NFILZ: variants seen among roughly 807,000 people sequenced by gnomAD.
NFILZ encodes NFIL3 like protein.
chr19:8,658,656 G>A (rs1416196950), intron 3 of NFILZ, among the ~76,000 whole-genome samples: 1 of 99,720 alleles, frequency 1.0e-5, no homozygotes, highest in South Asian at 3.8e-4. Context: ...GGGGTGATGA[G>A]AGGATTCTAT....
At chr19:8,661,155 T>TTCTC (rs1196173555) in intron 3 of NFILZ, among the ~76,000 whole-genome samples, 3 of 140,884 alleles carry the variant, frequency 2.1e-5, no homozygotes, top group Non-Finnish European at 4.6e-5. Flanking sequence ...CCCTTCCCTT[T>TTCTC]TCTCTCTCTC....
chr19:8,633,567 C>T (rs1427678643), intron 2 of NFILZ, among the ~76,000 whole-genome samples: 1 of 152,174 alleles, frequency 6.6e-6, no homozygotes, highest in Non-Finnish European at 1.5e-5. Context: ...GGGCCAGCTC[C>T]TTTCCCTCTC....
At chr19:8,635,506 C>T (rs2042890608) in intron 2 of NFILZ, 144 bp from the exon 3 acceptor site, 1 of 152,052 alleles carries the variant, frequency 6.6e-6, no homozygotes, top group African/African-American at 2.4e-5. Context: ...GTACCATAGG[C>T]AGCTTTTGGC....
intron 3 of NFILZ, among the ~76,000 whole-genome samples, chr19:8,650,747 A>T (rs997959534): frequency 7.2e-5 from 11 of 151,894 alleles, no homozygotes; most frequent in Admixed American, 3.3e-4. Flanking sequence ...AATATGACTG[A>T]TTCTCTCCAG....
In NFILZ at chr19:8,679,538, C is replaced by T. The variant is rs1417077023; in HGVS notation, c.*1903C>T. Among the ~76,000 whole-genome samples the T allele has an allele frequency of 1.3e-5, 2 of 152,086 alleles. No individual in the cohort carries two copies. The highest frequency in any genetic ancestry group is 2.4e-5 in the African/African-American group (1 of 41,404). On this transcript the variant is annotated 3_prime_UTR_variant, in exon 6 of 6. Transcript: ENST00000691075. Reference sequence around the variant, plus strand: ...GCCACAAATGTGTGCAGGGTGAGGACGTACAAAGTGCCTCTCTCTCACTAG... The same window carrying T: ...GCCACAAATGTGTGCAGGGTGAGGATGTACAAAGTGCCTCTCTCTCACTAG...
intron 3 of NFILZ, among the ~76,000 whole-genome samples, chr19:8,646,570 C>T (rs2042940024): frequency 6.6e-6 from 1 of 152,162 alleles, no homozygotes; most frequent in Non-Finnish European, 1.5e-5. Context: ...AAGAGCCACT[C>T]TTCCTTTGCC....
chr19:8,648,171 C>CAAAAAAAAA (rs56776806), intron 3 of NFILZ, among the ~76,000 whole-genome samples: 2 of 68,512 alleles, frequency 2.9e-5, no homozygotes, highest in Non-Finnish European at 5.3e-5. Context: ...GACTCCGTCT[C>CAAAAAAAAA]AAAAAAAAAA....
Position 8,677,130 on chromosome 19 carries a change from C to T in NFILZ, c.365C>T (p.Pro122Leu), listed in dbSNP as rs1239198985. ...TTGGAAGCCCCCTGGACTGGGGACC[C>T]CCGGCCTGGGGCTGAAGCACTCTCA... Reference protein sequence around the residue: ...LLLEAPWTGDPRPGAEALSSL... With the variant: ...LLLEAPWTGDLRPGAEALSSL... The change falls in exon 6 of 6, where the codon CCC becomes CTC. Residue 122 changes from proline (P) to leucine (L), a missense_variant. By Grantham distance (98) the Pro-to-Leu change is moderately conservative (BLOSUM62 -3). Coordinates refer to ENST00000691075, the MANE Select transcript of NFILZ (RefSeq NM_001378600.1). 1 of 152,542 alleles carries T rather than the reference C, an allele frequency of 6.6e-6. No individual in the cohort carries two copies. Among genetic ancestry groups the T allele is most frequent in the Non-Finnish European group, 1.5e-5 (1 of 68,290 alleles). The allele number at this position is 152,542 out of a possible 1,614,324, so 9.4% of individuals were successfully genotyped here.
At position 8,680,214 on chromosome 19, in the gene NFILZ, AG is replaced by A. The variant is rs58218184; in HGVS notation, c.*2581del. Among the ~76,000 whole-genome samples the A allele has an allele frequency of 0.53, 49,903 of 93,984 alleles. 11,491 individuals carry two copies. Among genetic ancestry groups the A allele is most frequent in the East Asian group, 0.73 (2,732 of 3,742 alleles). 61.7% of individuals were successfully genotyped at this position (93,984 alleles called of 152,430 possible). On this transcript the variant is annotated 3_prime_UTR_variant, in exon 6 of 6. Coordinates refer to ENST00000691075, the MANE Select transcript of NFILZ (RefSeq NM_001378600.1). ...CCATCTGAAAAAAAAAAAAAAAAAA[AG>A]GAAAAAGAAAAAATCCTGTTTCCCT...
intron 3 of NFILZ, among the ~76,000 whole-genome samples, chr19:8,673,459 C>G (rs1458100689): frequency 6.6e-6 from 1 of 152,180 alleles, no homozygotes; most frequent in Non-Finnish European, 1.5e-5. Flanking sequence ...AGCTGCTTCC[C>G]CAGCCCATGT....
chr19:8,665,416 A>G (rs2043057535), intron 3 of NFILZ, among the ~76,000 whole-genome samples: 2 of 152,204 alleles, frequency 1.3e-5, no homozygotes, highest in Admixed American at 1.3e-4. Context: ...GAAAAGGGAT[A>G]GAGAAAAGCC....
chr19:8,639,415 A>AAAAAC (rs1320665738), intron 3 of NFILZ, among the ~76,000 whole-genome samples: 58 of 152,110 alleles, frequency 3.8e-4, no homozygotes, highest in African/African-American at 7.7e-4. Flanking sequence ...CTGCCTCTAC[A>AAAAAC]AAAACAAAAC....
intron 3 of NFILZ, among the ~76,000 whole-genome samples, chr19:8,663,628 G>A (rs2043043041): frequency 6.6e-6 from 1 of 152,044 alleles, no homozygotes; most frequent in Non-Finnish European, 1.5e-5. Context: ...GGAGGTAAAT[G>A]TCCCACGAAT....
chr19:8,650,200 A>T (rs2042959220), intron 3 of NFILZ, among the ~76,000 whole-genome samples: 2 of 151,522 alleles, frequency 1.3e-5, no homozygotes. Flanking sequence ...TAACTTTTAC[A>T]TTTTGAAATA....
intron 3 of NFILZ, among the ~76,000 whole-genome samples, chr19:8,665,317 A>G (rs527730022): frequency 6.6e-6 from 1 of 152,040 alleles, no homozygotes; most frequent in Non-Finnish European, 1.5e-5. Context: ...CATTATGTGG[A>G]GGTGAGGGAC....
intron 3 of NFILZ, among the ~76,000 whole-genome samples, chr19:8,660,615 C>T (rs2043025744): frequency 7.5e-6 from 1 of 133,422 alleles, no homozygotes; most frequent in South Asian, 3.0e-4. Flanking sequence ...TTCCTTCTCT[C>T]CTTCCCTCTT....
intron 2 of NFILZ, among the ~76,000 whole-genome samples, chr19:8,634,599 G>A (rs1382780233): frequency 6.6e-6 from 1 of 152,134 alleles, no homozygotes; most frequent in Admixed American, 6.6e-5. Flanking sequence ...TTACTGGCCA[G>A]GTGTGGTGGC....
At chr19:8,668,105 C>T (rs570733849) in intron 3 of NFILZ, among the ~76,000 whole-genome samples, 29 of 151,906 alleles carry the variant, frequency 1.9e-4, no homozygotes, top group South Asian at 1.0e-3. Flanking sequence ...CATGTGCCAC[C>T]GTACCCAGCT....
intron 3 of NFILZ, among the ~76,000 whole-genome samples, chr19:8,656,005 G>A (rs1429658715): frequency 2.6e-5 from 4 of 151,956 alleles, no homozygotes; most frequent in African/African-American, 7.3e-5. Context: ...TGCTCTCAGG[G>A]TGGGGAGAAC....
Sources: allele counts gnomAD v4.1 joint callset (sites outside exome capture counted in the v4.1 genomes callset), GRCh38; gene constraint gnomAD v4.1.1; transcripts MANE v1.5; gene names NCBI Gene and HGNC (gene_info 2026-07-23, HGNC 2026-07-21).